The following FAT2 variants were observed in gnomAD, a reference collection of about 807,000 sequenced individuals.
FAT2 encodes protocadherin Fat 2.
FAT2 carries 150 observed loss-of-function variants against 295.3 expected under a neutral mutation model. That is an observed-to-expected ratio of 0.51 (90% CI 0.44 to 0.58). FAT2 has a LOEUF of 0.58. Among genes scored for constraint, FAT2 ranks in the 20% least tolerant of loss-of-function variants. FAT2 has a pLI of 0.00. For synonymous variants in FAT2, 2,026 were observed against 2,150.3 expected, an observed-to-expected ratio of 0.94 and a Z score of 1.60; for missense variants, 4,868 against 5,442.7, an observed-to-expected ratio of 0.89 and a Z score of 3.32.
chr5:151,543,906 G>C lies in FAT2; in HGVS notation c.7221C>G (p.Asp2407Glu), dbSNP rs1326696829. The C allele has an allele frequency of 2.5e-6, 4 of 1,614,104 alleles. No homozygotes were observed. The highest frequency in any genetic ancestry group is 3.4e-6 in the Non-Finnish European group (4 of 1,180,052). Residue 2407 changes from aspartate to glutamate, a missense_variant, in exon 10 of 24, where the codon GAC (aspartate) becomes GAG (glutamate). By Grantham distance (45) the Asp-to-Glu change is conservative (BLOSUM62 2). Around this residue, in one of 5 missense-constraint regions of FAT2, gnomAD observed 3,297 missense variants for 3,669.4 expected, o/e 0.90. Transcript: ENST00000261800. ...ACTCCAGGCGGGAGGTGTCTCTGCT[G>C]TCAGGGTCAATAGCCTGGACTTTAA... ...LVLKVQAIDP[D>E]SRDTSRLEYL...
intron 23 of FAT2, 21 bp from the exon 24 acceptor site, chr5:151,506,118 A>G: frequency 6.7e-7 from 1 of 1,498,066 alleles, no homozygotes; most frequent in Non-Finnish European, 8.8e-7. Flanking sequence ...ACAGCAAGAT[A>G]GGGTGAGCTC....
rs1761434545 is a variant in FAT2, at chr5:151,512,930, C to T, written c.11464-324G>A. On this transcript the variant is annotated intron_variant, in intron 20 of 23. Transcript: ENST00000261800. This position sits in a 1 kb window ranked among gnomAD's most constrained non-coding sequence, Gnocchi z 4.1. Reference sequence around the variant, plus strand: ...CTTCTTCACAGGCCTGTCCAGAGTTCCACACTTGTGAATATTGGCCTTCAG... The same window carrying T: ...CTTCTTCACAGGCCTGTCCAGAGTTTCACACTTGTGAATATTGGCCTTCAG... 6.6e-6 allele frequency among the ~76,000 whole-genome samples: 1 copy of T among 152,190 alleles called. No homozygotes were observed. The highest frequency in any genetic ancestry group is 6.5e-5 in the Admixed American group (1 of 15,284).
In FAT2 at chr5:151,544,452, T is replaced by G. The variant is rs200594323; in HGVS notation, c.6675A>C (p.Leu2225=). Residue 2225 remains leucine, a synonymous_variant, in exon 10 of 24, where the codon CTA becomes CTC. Coordinates refer to ENST00000261800, the MANE Select transcript of FAT2 (RefSeq NM_001447.3). The stretch of plus-strand genomic sequence containing the variant: ...CATAGTCCAAAGGCCCTGTTACTGT[T>G]AGGACACCAGTCTTGAAGTCAGTGG... ...LFTTDFKTGV[L]TVTGPLDYES... 1 of 1,614,156 alleles carries G rather than the reference T, an allele frequency of 6.2e-7. No homozygotes were observed.
intron 22 of FAT2, 41 bp from the exon 23 acceptor site, chr5:151,507,652 G>A (rs1436649553): frequency 2.0e-6 from 3 of 1,533,390 alleles, no homozygotes; most frequent in South Asian, 2.5e-5. Context: ...TCATGAAATT[G>A]CCCTTTCCAT....
intron 1 of FAT2, among the ~76,000 whole-genome samples, chr5:151,578,266 T>C (rs985920109): frequency 6.6e-6 from 1 of 152,214 alleles, no homozygotes; most frequent in African/African-American, 2.4e-5. Flanking sequence ...GGTTGCTTAC[T>C]ATCCTGTGGT....
intron 19 of FAT2, 51 bp downstream of exon 19, chr5:151,521,225 C>G: frequency 1.3e-6 from 2 of 1,526,860 alleles, no homozygotes; most frequent in Non-Finnish European, 1.8e-6. Context: ...TAGAGTCAGG[C>G]GGGCTGAGCC....
chr5:151,566,976 T>TGTGGGTGA lies in FAT2; in HGVS notation c.1948_1955dup (p.Thr653HisfsTer5). 6.2e-7 allele frequency: 1 copy of TGTGGGTGA among 1,614,098 alleles called. No individual in the cohort carries two copies. Among genetic ancestry groups the TGTGGGTGA allele is most frequent in the Non-Finnish European group, 8.5e-7 (1 of 1,179,996 alleles). ...CCTTCACCACAGTAATATTCAAAGT[T>TGTGGGTGA]GTGGGTGAGGCATAGTTTTTGCCAT... On this transcript the variant is annotated frameshift_variant, in exon 2 of 24. Coordinates refer to ENST00000261800, the MANE Select transcript of FAT2 (RefSeq NM_001447.3). LOFTEE classifies it high-confidence loss of function.
intron 2 of FAT2, 43 bp from the exon 3 acceptor site, chr5:151,563,682 A>C (rs1758128165): frequency 5.6e-5 from 88 of 1,563,250 alleles, no homozygotes; most frequent in Non-Finnish European, 6.8e-5. Flanking sequence ...TTTAGAGCTC[A>C]AAGTGGCTTT....
rs555658650 is a variant in FAT2, at chr5:151,517,469, C to A, written c.11463+151G>T. ...CTGTGGCCATCCAGGACAGGATAATCATGTGGCCCAACAGTCACACCCAGA... is the reference window on the plus strand; with the variant it reads ...CTGTGGCCATCCAGGACAGGATAATAATGTGGCCCAACAGTCACACCCAGA... On this transcript the variant is annotated intron_variant, in intron 20 of 23. Transcript: ENST00000261800. 3.4e-5 allele frequency: 32 copies of A among 945,926 alleles called. No individual in the cohort carries two copies. The South Asian group carries it at 5.2e-4, about 15-fold the overall frequency. The allele number at this position is 945,926 out of a possible 1,614,324, so 58.6% of individuals were successfully genotyped here.
chr5:151,533,454 C>T (rs67495387), intron 13 of FAT2, among the ~76,000 whole-genome samples: 46,655 of 150,832 alleles, frequency 0.31, 7,972 homozygotes, highest in East Asian at 0.47. Context: ...CAGGTCCAGC[C>T]ACCCTGCCTT....
intron 13 of FAT2, among the ~76,000 whole-genome samples, chr5:151,532,809 C>T (rs1478079659): frequency 3.3e-5 from 5 of 152,216 alleles, no homozygotes; most frequent in African/African-American, 1.2e-4. Flanking sequence ...GTGAGATGAA[C>T]ACACGCCCTG....
chr5:151,516,603 G>C (rs1046008040), intron 20 of FAT2, among the ~76,000 whole-genome samples: 1 of 152,074 alleles, frequency 6.6e-6, no homozygotes, highest in Non-Finnish European at 1.5e-5. Flanking sequence ...TATCACATTT[G>C]AACAAATTCT....
At chr5:151,526,012 G>C (rs1176410921) in intron 17 of FAT2, 47 bp from the exon 18 acceptor site, 1 of 1,583,834 alleles carries the variant, frequency 6.3e-7, no homozygotes, top group Admixed American at 1.7e-5. Flanking sequence ...ATGAGTCCCG[G>C]TCCTTCCTTT....
At chr5:151,536,689 A>G (rs1428700414) in intron 12 of FAT2, among the ~76,000 whole-genome samples, 1 of 152,138 alleles carries the variant, frequency 6.6e-6, no homozygotes, top group Non-Finnish European at 1.5e-5. Flanking sequence ...CAACCCATCC[A>G]CTGAGCCAGA....
intron 18 of FAT2, among the ~76,000 whole-genome samples, chr5:151,523,647 G>A (rs908115775): frequency 4.6e-5 from 7 of 152,202 alleles, no homozygotes; most frequent in African/African-American, 1.7e-4. Flanking sequence ...GCCTGGGTCT[G>A]AGAATACAGA....
At position 151,533,393 on chromosome 5, in the gene FAT2, A is replaced by AACACAC. The variant is rs36215342; in HGVS notation, c.9427+1010_9427+1015dup. Among the ~76,000 whole-genome samples, 888 of 132,164 alleles carry AACACAC rather than the reference A, an allele frequency of 6.7e-3. 5 individuals are homozygous for AACACAC. The highest frequency in any genetic ancestry group is 0.021 in the East Asian group (91 of 4,268). The allele number at this position is 132,164 out of a possible 152,430, so 86.7% of individuals were successfully genotyped here. A position where few individuals can be genotyped will look rare whatever the true frequency, so the allele number is the denominator to read the frequency against. On this transcript the variant is annotated intron_variant, in intron 13 of 23. Coordinates refer to ENST00000261800, the MANE Select transcript of FAT2 (RefSeq NM_001447.3). ...TATTCCACTTGCACTTGTTATCTCC[A>AACACAC]ACACACACACACACACACACACACA...
chr5:151,562,970 C>G, intron 3 of FAT2, among the ~76,000 whole-genome samples: 1 of 152,140 alleles, frequency 6.6e-6, no homozygotes, highest in East Asian at 1.9e-4. Flanking sequence ...GTTGGGACCA[C>G]TTGGAGGTCT....
rs1760754932 is a variant in FAT2 at position 151,505,352 on chromosome 5, C to T, written c.*213G>A. The T allele has an allele frequency of 3.2e-6, 2 of 617,728 alleles. No homozygotes were observed. The highest frequency in any genetic ancestry group is 5.6e-6 in the Non-Finnish European group (2 of 356,782). 38.3% of individuals were successfully genotyped at this position (617,728 alleles called of 1,614,324 possible). On this transcript the variant is annotated 3_prime_UTR_variant, in exon 24 of 24. Coordinates refer to ENST00000261800, the MANE Select transcript of FAT2 (RefSeq NM_001447.3). ...CTAGAAATGCCCCTCTCCTGGGACC[C>T]TAGTGCTGTTTCTGGAGCTCTATCC...
At position 151,505,734 on chromosome 5, in the gene FAT2, C is replaced by T. The variant is rs1235591397; in HGVS notation, c.12881G>A (p.Gly4294Asp). The T allele has an allele frequency of 6.2e-7, 1 of 1,613,612 alleles. No homozygotes were observed. Among genetic ancestry groups the T allele is most frequent in the South Asian group, 1.1e-5 (1 of 91,070 alleles). Residue 4294 changes from glycine to aspartate, a missense_variant, in exon 24 of 24, where the codon GGC becomes GAC. Gly to Asp is a moderately conservative substitution (Grantham distance 94). Around this residue, in one of 5 missense-constraint regions of FAT2, gnomAD observed 492 missense variants for 482.6 expected, o/e 1.02. Coordinates refer to ENST00000261800, the MANE Select transcript of FAT2 (RefSeq NM_001447.3). ...GAGGCGCATACCCACCCCCTTGTAGCCCCCGTCTGCCAGGCAGGGCCCTCC... is the reference window on the plus strand; with the variant it reads ...GAGGCGCATACCCACCCCCTTGTAGTCCCCGTCTGCCAGGCAGGGCCCTCC... ...GGGGPCLADG[G>D]YKGVGMRLSR...
Sources: allele counts gnomAD v4.1 joint callset (sites outside exome capture counted in the v4.1 genomes callset), GRCh38; gene constraint gnomAD v4.1.1; regional missense constraint gnomAD v4.1.1; non-coding constraint Gnocchi (gnomAD v3.1); transcripts MANE v1.5; gene names NCBI Gene and HGNC (gene_info 2026-07-23, HGNC 2026-07-21).